The following CRCP variants were observed in gnomAD, a reference collection of about 807,000 sequenced individuals.
CRCP encodes DNA-directed RNA polymerase III subunit RPC9.
Under a neutral mutation model 18.5 loss-of-function variants are expected in CRCP, and 18 were observed. The ratio of observed to expected loss-of-function variants is 0.97; its 90% CI spans 0.67 to 1.44. The LOEUF is 1.44. CRCP is among the 40% of genes most tolerant of loss of function. The probability of loss-of-function intolerance (pLI) is 0.00; values close to 1 mark genes in which losing one functional copy is unlikely to be tolerated. For missense variants in CRCP, 130 were observed against 176.4 expected (o/e 0.74, Z 1.49); for synonymous variants, 53 against 62.9 (o/e 0.84, Z 0.75).
At chr7:66,119,952 T>G (rs1373421870) in intron 1 of CRCP, among the ~76,000 whole-genome samples, 1 of 151,960 alleles carries the variant, frequency 6.6e-6, no homozygotes, top group Non-Finnish European at 1.5e-5. Flanking sequence ...GGAGGCTGAG[T>G]GGGGCGGATC....
chr7:66,127,202 C>CT (rs1195879071), intron 1 of CRCP, among the ~76,000 whole-genome samples: 1 of 152,206 alleles, frequency 6.6e-6, no homozygotes, highest in Non-Finnish European at 1.5e-5. Flanking sequence ...CGTTGTGTTT[C>CT]TTCACTCAGG....
At chr7:66,126,541 T>C (rs1787622967) in intron 1 of CRCP, 1 of 342,502 alleles carries the variant, frequency 2.9e-6, no homozygotes, top group Non-Finnish European at 5.8e-6. Context: ...GCTTTATCTC[T>C]GCAGAGTAGG....
chr7:66,150,493 A>AT (rs1465671027), intron 5 of CRCP, among the ~76,000 whole-genome samples: 2 of 151,860 alleles, frequency 1.3e-5, no homozygotes, highest in Non-Finnish European at 2.9e-5. Context: ...GATCTCCCCC[A>AT]TCCTGGGACA....
intron 5 of CRCP, 141 bp from the exon 6 acceptor site, chr7:66,152,067 A>G (rs1788493565): frequency 1.2e-6 from 1 of 836,524 alleles, no homozygotes; most frequent in South Asian, 1.7e-5. Context: ...TCCGTCTGTA[A>G]GATGGAGAGG....
At chr7:66,121,438 A>G (rs901323410) in intron 1 of CRCP, among the ~76,000 whole-genome samples, 5 of 151,596 alleles carry the variant, frequency 3.3e-5, no homozygotes, top group African/African-American at 1.2e-4. Flanking sequence ...TTGGAAATGT[A>G]TTTTCGTCAA....
chr7:66,145,636 G>A, intron 5 of CRCP, 136 bp downstream of exon 5: 1 of 822,764 alleles, frequency 1.2e-6, no homozygotes. Context: ...AAGAGACCTT[G>A]CCAGTTTGAT....
chr7:66,134,386 T>C lies in CRCP; in HGVS notation c.239+12T>C, dbSNP rs759770612. The C allele has an allele frequency of 6.4e-7, 1 of 1,561,074 alleles. No individual in the cohort carries two copies. The highest frequency in any genetic ancestry group is 8.8e-7 in the Non-Finnish European group (1 of 1,140,334). ...CACAAGTTGACCAAGTAAGTAAATC[T>C]CTTAAGTAGGAAGAGCGTGACACAT... On this transcript the variant is annotated intron_variant, in intron 4 of 5. Transcript: ENST00000395326.
chr7:66,120,384 G>A (rs941522496), intron 1 of CRCP, among the ~76,000 whole-genome samples: 3 of 152,104 alleles, frequency 2.0e-5, no homozygotes. Context: ...TTTTGTTCTT[G>A]TAACAGCCTG....
intron 3 of CRCP, 150 bp downstream of exon 3, chr7:66,130,992 T>C: frequency 1.7e-6 from 1 of 598,496 alleles, no homozygotes; most frequent in Non-Finnish European, 3.0e-6. Context: ...GTTTGTTTTT[T>C]GACACAGAGT....
At chr7:66,142,819 G>T (rs559528723) in intron 4 of CRCP, among the ~76,000 whole-genome samples, 1 of 152,136 alleles carries the variant, frequency 6.6e-6, no homozygotes, top group East Asian at 1.9e-4. Flanking sequence ...TTAAATGGAG[G>T]CACTTTATGG....
At chr7:66,140,307 T>C (rs974171049) in intron 4 of CRCP, among the ~76,000 whole-genome samples, 2 of 152,222 alleles carry the variant, frequency 1.3e-5, no homozygotes, top group Admixed American at 1.3e-4. Context: ...TCAGGTTTTG[T>C]TTCCCTCCCA....
intron 3 of CRCP, 110 bp downstream of exon 3, chr7:66,130,952 G>GT: frequency 1.5e-6 from 1 of 685,724 alleles, no homozygotes; most frequent in East Asian, 2.5e-5. Context: ...TGATCTGAAT[G>GT]TTTTATTCTA....
chr7:66,124,470 C>T (rs1342551746), intron 1 of CRCP, among the ~76,000 whole-genome samples: 2 of 152,036 alleles, frequency 1.3e-5, no homozygotes, highest in African/African-American at 2.4e-5. Context: ...TCCTTTTTCT[C>T]TTTTCTTTTT....
At chr7:66,115,848 C>G (rs1468674616) in intron 1 of CRCP, among the ~76,000 whole-genome samples, 1 of 152,128 alleles carries the variant, frequency 6.6e-6, no homozygotes, top group Non-Finnish European at 1.5e-5. Flanking sequence ...CTTGCTCTGT[C>G]CCCCAGGCGG....
intron 5 of CRCP, among the ~76,000 whole-genome samples, chr7:66,148,360 T>A (rs1304326912): frequency 6.6e-6 from 1 of 152,132 alleles, no homozygotes; most frequent in Non-Finnish European, 1.5e-5. Flanking sequence ...AGAGCGAAAC[T>A]CCTTCTCTAG....
intron 4 of CRCP, among the ~76,000 whole-genome samples, chr7:66,140,062 A>G (rs1788088500): frequency 1.3e-5 from 2 of 152,266 alleles, no homozygotes; most frequent in African/African-American, 4.8e-5. Flanking sequence ...TCTGGACAGC[A>G]AGGGCTCCCT....
chr7:66,140,908 C>G (rs1788117699), intron 4 of CRCP, among the ~76,000 whole-genome samples: 1 of 152,182 alleles, frequency 6.6e-6, no homozygotes, highest in African/African-American at 2.4e-5. Context: ...GTCTTGCAAG[C>G]TGATTCGTGA....
At position 66,123,988 on chromosome 7, in the gene CRCP, T is replaced by C. The variant is rs1477866168; in HGVS notation, c.9-3716T>C. Among the ~76,000 whole-genome samples, 553 of 99,644 alleles carry C rather than the reference T, an allele frequency of 5.5e-3. No individual in the cohort carries two copies. In the Middle Eastern group the frequency reaches 0.08, roughly 14 times the overall value. The allele number at this position is 99,644 out of a possible 152,430, so 65.4% of individuals were successfully genotyped here. Reference sequence around the variant, plus strand: ...TGAACCCGGGAGGCGGAGCTTGCAGTGAGCCGAGATCGCGCCACTGCACTC... The same window carrying C: ...TGAACCCGGGAGGCGGAGCTTGCAGCGAGCCGAGATCGCGCCACTGCACTC... On this transcript the variant is annotated intron_variant, in intron 1 of 5. Transcript: ENST00000395326.
chr7:66,151,711 G>GGT (rs1285333573), intron 5 of CRCP, among the ~76,000 whole-genome samples: 1 of 141,894 alleles, frequency 7.0e-6, no homozygotes, highest in Non-Finnish European at 1.5e-5. Flanking sequence ...GTGTGTGTGT[G>GGT]TGTGTGGTTA....
Sources: allele counts gnomAD v4.1 joint callset (sites outside exome capture counted in the v4.1 genomes callset), GRCh38; gene constraint gnomAD v4.1.1; transcripts MANE v1.5; gene names NCBI Gene and HGNC (gene_info 2026-07-23, HGNC 2026-07-21).